The following DRD3 variants were observed in gnomAD, a reference collection of about 807,000 sequenced individuals.
The protein encoded by DRD3 is dopamine receptor D3.
In DRD3, 19 loss-of-function variants were observed where a neutral mutation model predicts 36.3. That is an observed-to-expected ratio of 0.52 (90% confidence interval 0.36 to 0.77). DRD3 has a LOEUF of 0.77. DRD3 is among the 30% of genes least tolerant of loss of function. The pLI is 0.00. For synonymous variants in DRD3, 195 were observed against 203.7 expected, an observed-to-expected ratio of 0.96 and a Z score of 0.36; for missense variants, 465 against 505.3, an observed-to-expected ratio of 0.92 and a Z score of 0.77.
At chr3:114,157,838 C>T (rs1357181429) in intron 3 of DRD3, among the ~76,000 whole-genome samples, 1 of 152,114 alleles carries the variant, frequency 6.6e-6, no homozygotes, top group Non-Finnish European at 1.5e-5. Flanking sequence ...CACAGTGGCT[C>T]ACACGTGTAA....
upstream of DRD3, among the ~76,000 whole-genome samples, chr3:114,180,876 G>A (rs188508137): frequency 2.5e-3 from 376 of 152,220 alleles, no homozygotes; most frequent in Non-Finnish European, 4.7e-3. Context: ...ATAAAAGCAG[G>A]GAGTAATGTC....
intron 1 of DRD3, among the ~76,000 whole-genome samples, chr3:114,192,808 T>C (rs1363262247): frequency 1.3e-5 from 2 of 152,214 alleles, no homozygotes; most frequent in African/African-American, 4.8e-5. Context: ...GGGTCTGAGA[T>C]AAGGTAGATA....
intron 1 of DRD3, among the ~76,000 whole-genome samples, chr3:114,187,846 A>C (rs2077983801): frequency 6.6e-6 from 1 of 152,186 alleles, no homozygotes; most frequent in African/African-American, 2.4e-5. Context: ...TGATGTTCAT[A>C]AGGTTCTAGT....
chr3:114,133,579 T>C (rs1433192515), intron 5 of DRD3, among the ~76,000 whole-genome samples: 2 of 5,584 alleles, frequency 3.6e-4, no homozygotes, highest in East Asian at 0.14. Flanking sequence ...GATGTATCTT[T>C]AGGCAAGTTA....
intron 1 of DRD3, among the ~76,000 whole-genome samples, chr3:114,197,164 T>G (rs1185220264): frequency 6.6e-6 from 1 of 151,040 alleles, no homozygotes; most frequent in African/African-American, 2.4e-5. Flanking sequence ...CCAGGTGGAG[T>G]GCAGTGGCAT....
intron 6 of DRD3, among the ~76,000 whole-genome samples, chr3:114,129,126 T>C (rs1352294914): frequency 3.3e-5 from 5 of 152,102 alleles, no homozygotes; most frequent in Non-Finnish European, 5.9e-5. Flanking sequence ...GTGGATCACC[T>C]GAGGTCAGGA....
At chr3:114,163,179 T>C (rs143365092) in intron 2 of DRD3, among the ~76,000 whole-genome samples, 173 of 152,316 alleles carry the variant, frequency 1.1e-3, no homozygotes, top group East Asian at 8.5e-3. Flanking sequence ...GATTAGCTGA[T>C]TAAAATAATT....
chr3:114,183,184 C>T (rs959565483), upstream of DRD3, among the ~76,000 whole-genome samples: 7 of 152,160 alleles, frequency 4.6e-5, no homozygotes, highest in Non-Finnish European at 1.0e-4. Flanking sequence ...TTCTTTGATC[C>T]ACTGATTCTT....
chr3:114,155,971 C>T (rs914664715), intron 3 of DRD3, among the ~76,000 whole-genome samples: 4 of 152,296 alleles, frequency 2.6e-5, no homozygotes, highest in African/African-American at 9.6e-5. Flanking sequence ...TATCATCCAT[C>T]CATCTCATAG....
chr3:114,156,789 T>TTCTC (rs1309557393), intron 3 of DRD3, among the ~76,000 whole-genome samples: 3 of 135,462 alleles, frequency 2.2e-5, no homozygotes, highest in African/African-American at 8.4e-5. Context: ...CTTTCTTTCT[T>TTCTC]TCTTTCTTTC....
intron 1 of DRD3, among the ~76,000 whole-genome samples, chr3:114,187,348 A>G (rs1298781785): frequency 6.6e-6 from 1 of 152,172 alleles, no homozygotes; most frequent in Non-Finnish European, 1.5e-5. Flanking sequence ...TTATCTTCAT[A>G]TCTTGTTTTT....
intron 2 of DRD3, among the ~76,000 whole-genome samples, chr3:114,168,431 G>C (rs182880444): frequency 6.6e-6 from 1 of 152,074 alleles, no homozygotes; most frequent in Non-Finnish European, 1.5e-5. Context: ...TAAAACACAC[G>C]TTTTCATTTT....
chr3:114,194,683 A>G (rs2078027922), intron 1 of DRD3, among the ~76,000 whole-genome samples: 2 of 152,134 alleles, frequency 1.3e-5, no homozygotes, highest in African/African-American at 4.8e-5. Context: ...TTCTGTCATT[A>G]GTTTTTCATG....
At chr3:114,141,225 G>A (rs1448263113) in intron 4 of DRD3, among the ~76,000 whole-genome samples, 4 of 152,058 alleles carry the variant, frequency 2.6e-5, no homozygotes, top group South Asian at 2.1e-4. Context: ...GTAGAGAAGG[G>A]GTTTCTCCAT....
intron 1 of DRD3, among the ~76,000 whole-genome samples, chr3:114,189,163 T>C (rs1560005587): frequency 6.6e-6 from 1 of 152,238 alleles, no homozygotes; most frequent in East Asian, 1.9e-4. Flanking sequence ...AATTCTCTTT[T>C]ATTCAGTTGA....
rs143953030 is a variant in DRD3 at position 114,171,864 on chromosome 3, G to C, written c.129C>G (p.Ile43Met). The C allele has an allele frequency of 6.2e-7, 1 of 1,613,706 alleles. No individual in the cohort carries two copies. The highest frequency in any genetic ancestry group is 8.5e-7 in the Non-Finnish European group (1 of 1,179,804). Residue 43 changes from isoleucine to methionine, a missense_variant, in exon 2 of 7, where the codon ATC (isoleucine) becomes ATG (methionine). Transcript: ENST00000383673. ...TGCACACCAGGCCATTGCCGAAGAC[G>C]ATGGCCAGGATGAGCGCGCAGTAGG... ...ALSYCALILA[I>M]VFGNGLVCMA...
At chr3:114,169,307 C>T (rs1260086249) in intron 2 of DRD3, among the ~76,000 whole-genome samples, 1 of 150,446 alleles carries the variant, frequency 6.6e-6, no homozygotes, top group Admixed American at 6.6e-5. Flanking sequence ...CTGTATTCTT[C>T]ACTGGCTTTA....
intron 3 of DRD3, among the ~76,000 whole-genome samples, chr3:114,158,027 G>T (rs568656723): frequency 6.6e-6 from 1 of 152,020 alleles, no homozygotes; most frequent in Admixed American, 6.5e-5. Flanking sequence ...ACTTGAACCC[G>T]GGAGGTGGAG....
chr3:114,188,299 C>T (rs758241943), intron 1 of DRD3, among the ~76,000 whole-genome samples: 4 of 150,754 alleles, frequency 2.7e-5, no homozygotes, highest in Admixed American at 6.6e-5. Context: ...CTGCAACCTC[C>T]GCCTCAAGTT....
Sources: gnomAD v4.1 joint callset for allele counts (sites outside exome capture counted in the v4.1 genomes callset) on GRCh38, gnomAD v4.1.1 for gene constraint, MANE v1.5 for transcripts, NCBI Gene and HGNC (gene_info 2026-07-23, HGNC 2026-07-21) for gene names.